GAD1: variants seen among roughly 807,000 people sequenced by gnomAD.
GAD1 encodes glutamate decarboxylase 1, also known as 67 kDa glutamic acid decarboxylase.
GAD1 carries 35 observed loss-of-function variants against 75.2 expected under a neutral mutation model. The ratio of observed to expected loss-of-function variants is 0.47; its 90% CI spans 0.36 to 0.62. The LOEUF is 0.62. Ranked by LOEUF, GAD1 falls within the 20% of genes least tolerant of loss-of-function variation. The pLI, the probability that GAD1 is intolerant of heterozygous loss-of-function variation, is 0.00. For synonymous variants in GAD1, 257 were observed against 271.9 expected, an observed-to-expected ratio of 0.95 and a Z score of 0.54; for missense variants, 490 against 758.5, an observed-to-expected ratio of 0.65 and a Z score of 4.16.
At chr2:170,824,237 A>C (rs1701969530) in intron 3 of GAD1, among the ~76,000 whole-genome samples, 1 of 152,204 alleles carries the variant, frequency 6.6e-6, no homozygotes, top group African/African-American at 2.4e-5. Flanking sequence ...GAGGCTTCCC[A>C]TTAGGTTTGA....
chr2:170,829,664 A>G, intron 4 of GAD1, 31 bp downstream of exon 4: 1 of 1,607,498 alleles, frequency 6.2e-7, no homozygotes, highest in Non-Finnish European at 8.5e-7. Context: ...GCCCCATGCT[A>G]GCCAGTAGAT....
rs1335931832 is a variant in GAD1, at chr2:170,818,927, G to A, written c.82+254G>A. Among the ~76,000 whole-genome samples the A allele has an allele frequency of 6.6e-6, 1 of 152,178 alleles. No homozygotes were observed. The highest frequency in any genetic ancestry group is 1.9e-4 in the East Asian group (1 of 5,178). ...CGATCGTTGAGGGCTTCGCGGAGGA[G>A]GAGGGGCGCGCAGCCAGGGTGTTGT... On this transcript the variant is annotated intron_variant, in intron 2 of 16. Transcript: ENST00000358196. This position sits in a 1 kb window ranked among gnomAD's most constrained non-coding sequence, Gnocchi z 5.9.
intron 3 of GAD1, among the ~76,000 whole-genome samples, 194 bp downstream of exon 3, chr2:170,822,343 C>T (rs1437195427): frequency 6.6e-6 from 1 of 152,178 alleles, no homozygotes; most frequent in Non-Finnish European, 1.5e-5. Flanking sequence ...CAGACCTGGT[C>T]CCCAGGGGTC....
In GAD1 at chr2:170,818,495, G is replaced by A; in HGVS notation, c.-63-34G>A. The A allele has an allele frequency of 2.6e-6, 3 of 1,158,070 alleles. No individual in the cohort carries two copies. The East Asian group carries it at 7.0e-5, about 27-fold the overall frequency. The allele number at this position is 1,158,070 out of a possible 1,614,324, so 71.7% of individuals were successfully genotyped here. On this transcript the variant is annotated intron_variant, in intron 1 of 16. Coordinates refer to ENST00000358196, the MANE Select transcript of GAD1 (RefSeq NM_000817.3). This position sits in a 1 kb window ranked among gnomAD's most constrained non-coding sequence, Gnocchi z 5.9. ...CCCTCCGGTGTGCAGGACCCCGGAAGTCCTCCCCGCACAGCTCTCGCTTCT... is the reference window on the plus strand; with the variant it reads ...CCCTCCGGTGTGCAGGACCCCGGAAATCCTCCCCGCACAGCTCTCGCTTCT...
At chr2:170,821,010 A>G (rs936855994) in intron 2 of GAD1, among the ~76,000 whole-genome samples, 5 of 152,220 alleles carry the variant, frequency 3.3e-5, no homozygotes, top group African/African-American at 1.2e-4. Context: ...CATCTGTGAC[A>G]TGTCTTACCG....
Position 170,831,155 on chromosome 2 carries a change from T to G in GAD1, c.510T>G (p.Val170=). Residue 170 remains valine, a synonymous_variant, in exon 5 of 17, where the codon GTT becomes GTG. Coordinates refer to ENST00000358196, the MANE Select transcript of GAD1 (RefSeq NM_000817.3). ...DHPESLEQIL[V]DCRDTLKYGV... ...CCGAGTCCCTGGAGCAGATCCTGGTTGACTGCAGAGACACCTTGAAGTATG... is the reference window on the plus strand; with the variant it reads ...CCGAGTCCCTGGAGCAGATCCTGGTGGACTGCAGAGACACCTTGAAGTATG... 1 of 1,614,144 alleles carries G rather than the reference T, an allele frequency of 6.2e-7. No homozygotes were observed. Among genetic ancestry groups the G allele is most frequent in the Non-Finnish European group, 8.5e-7 (1 of 1,180,028 alleles).
At chr2:170,825,451 G>T (rs1304429645) in intron 3 of GAD1, among the ~76,000 whole-genome samples, 2 of 152,216 alleles carry the variant, frequency 1.3e-5, no homozygotes, top group Admixed American at 1.3e-4. Flanking sequence ...GCAATTCCAT[G>T]CCATAGCTTG....
At chr2:170,819,545 CTATCTT>C (rs1701808895) in intron 2 of GAD1, among the ~76,000 whole-genome samples, 1 of 152,140 alleles carries the variant, frequency 6.6e-6, no homozygotes, top group Non-Finnish European at 1.5e-5. Context: ...TTTCCAGAAT[CTATCTT>C]TAATTTTATT....
At position 170,853,154 on chromosome 2, in the gene GAD1, C is replaced by T. The variant is rs151267695; in HGVS notation, c.1263+362C>T. 2 of 334,358 alleles carry T rather than the reference C, an allele frequency of 6.0e-6. No homozygotes were observed. Among genetic ancestry groups the T allele is most frequent in the East Asian group, 1.3e-4 (2 of 14,862 alleles). 20.7% of individuals were successfully genotyped at this position (334,358 alleles called of 1,614,324 possible). ...ACAAAAGCACTCACTGGAGCATACT[C>T]GGAGTTCTTAGTATAAACGTGTGGT... On this transcript the variant is annotated intron_variant, in intron 13 of 16. Transcript: ENST00000358196. This position sits in a 1 kb window ranked among gnomAD's most constrained non-coding sequence, Gnocchi z 4.1.
Position 170,836,778 on chromosome 2 carries a change from C to G in GAD1, c.548-15C>G. On this transcript the variant is annotated splice_polypyrimidine_tract_variant and intron_variant, in intron 5 of 16. Transcript: ENST00000358196. ...AATCTGCATTTGCCTTGATGCTTTTCTGTTTCCTATCTAGGTCATCCTCGA... is the reference window on the plus strand; with the variant it reads ...AATCTGCATTTGCCTTGATGCTTTTGTGTTTCCTATCTAGGTCATCCTCGA... The G allele has an allele frequency of 6.3e-7, 1 of 1,596,668 alleles. No individual in the cohort carries two copies. Among genetic ancestry groups the G allele is most frequent in the Non-Finnish European group, 8.6e-7 (1 of 1,164,140 alleles).
At chr2:170,834,222 G>A (rs1017007248) in intron 5 of GAD1, among the ~76,000 whole-genome samples, 8 of 152,132 alleles carry the variant, frequency 5.3e-5, no homozygotes, top group South Asian at 4.1e-4. Context: ...TGTTGCTGCC[G>A]TGTCAAAACA....
intron 1 of GAD1, chr2:170,817,597 C>G (rs1369277771): frequency 1.3e-5 from 2 of 152,316 alleles, no homozygotes; most frequent in East Asian, 3.9e-4. Flanking sequence ...CCGGGGCCTT[C>G]GGGCGCCATC....
chr2:170,852,477 A>G, intron 12 of GAD1: 1 of 562,044 alleles, frequency 1.8e-6, no homozygotes, highest in Non-Finnish European at 3.2e-6. Context: ...TAAGACATAT[A>G]ATAAGTTATT....
At chr2:170,821,956 T>G (rs1202744900) in intron 2 of GAD1, 131 bp from the exon 3 acceptor site, 1 of 806,344 alleles carries the variant, frequency 1.2e-6, no homozygotes, top group Non-Finnish European at 2.1e-6. Flanking sequence ...CTAGCTCCTT[T>G]CAGGAAGTAG....
chr2:170,837,020 C>G, intron 6 of GAD1, 137 bp downstream of exon 6: 1 of 673,112 alleles, frequency 1.5e-6, no homozygotes, highest in Non-Finnish European at 2.7e-6. Context: ...AGGTTTATCA[C>G]AGTTCTGATT....
intron 6 of GAD1, among the ~76,000 whole-genome samples, chr2:170,841,255 A>G (rs1204029987): frequency 1.3e-5 from 2 of 152,204 alleles, no homozygotes; most frequent in African/African-American, 4.8e-5. Flanking sequence ...TTCCTCAGTC[A>G]TTTAGGAAAA....
rs570511196 is a variant in GAD1, at chr2:170,859,934, C to G, written c.*52C>G. The G allele has an allele frequency of 5.9e-6, 9 of 1,516,236 alleles. No homozygotes were observed. In the South Asian group the frequency reaches 1.0e-4, roughly 18 times the overall value. The allele number at this position is 1,516,236 out of a possible 1,614,324, so 93.9% of individuals were successfully genotyped here. On this transcript the variant is annotated 3_prime_UTR_variant, in exon 17 of 17. Transcript: ENST00000358196. ...GGGAATGCCTTTTCCCTCTGGCACT[C>G]CAGAACAAACCTCTATATGTTGCTG...
At chr2:170,831,630 GTGTGTA>G (rs1396534848) in intron 5 of GAD1, among the ~76,000 whole-genome samples, 19 of 141,148 alleles carry the variant, frequency 1.3e-4, no homozygotes, top group East Asian at 6.2e-4. Flanking sequence ...GTGTGTGTGT[GTGTGTA>G]TATACCTATT....
At chr2:170,815,162 C>T (rs1420151389), upstream of GAD1, among the ~76,000 whole-genome samples, 1 of 152,236 alleles carries the variant, frequency 6.6e-6, no homozygotes, top group East Asian at 1.9e-4. Flanking sequence ...TTGTATGCCG[C>T]CCACTTCAAG....
Sources: allele counts gnomAD v4.1 joint callset (sites outside exome capture counted in the v4.1 genomes callset), GRCh38; gene constraint gnomAD v4.1.1; non-coding constraint Gnocchi (gnomAD v3.1); transcripts MANE v1.5; gene names NCBI Gene and HGNC (gene_info 2026-07-23, HGNC 2026-07-21).